Variants in DAB1 observed in about 807,000 individuals in gnomAD.
The protein encoded by DAB1 is DAB adaptor protein 1, also known as disabled homolog 1.
DAB1 carries 15 observed loss-of-function variants against 64.6 expected under a neutral mutation model. The observed-to-expected ratio is 0.23, with a 90% CI of 0.16 to 0.36. The LOEUF (loss-of-function observed/expected upper bound fraction) is 0.36. DAB1 is among the 10% of genes least tolerant of loss of function. DAB1 has a pLI of 1.00. For missense variants in DAB1, 596 were observed against 706.7 expected, an observed-to-expected ratio of 0.84 and a Z score of 1.78; for synonymous variants, 235 against 251.9, an observed-to-expected ratio of 0.93 and a Z score of 0.64.
chr1:57,136,472 G>C, intron 4 of DAB1, 71 bp downstream of exon 4: 2 of 824,226 alleles, frequency 2.4e-6, no homozygotes, highest in African/African-American at 3.4e-5. Flanking sequence ...CCTGCCCAGA[G>C]AGTAGAGGCT....
intron 5 of DAB1, among the ~76,000 whole-genome samples, chr1:58,039,437 G>A (rs937705127): frequency 5.9e-5 from 9 of 152,194 alleles, no homozygotes; most frequent in African/African-American, 2.2e-4. Context: ...TGCCTTGAGT[G>A]TGCACCCCCA....
rs576817251 is a variant in DAB1, at chr1:57,818,515, T to A, written n.551+65484A>T. Among the ~76,000 whole-genome samples, 69 of 152,142 alleles carry A rather than the reference T, an allele frequency of 4.5e-4. 1 individual carries two copies. Among genetic ancestry groups the A allele is most frequent in the Admixed American group, 2.2e-3 (34 of 15,268 alleles). On this transcript the variant is annotated intron_variant and non_coding_transcript_variant, in intron 6 of 20. Coordinates refer to the DAB1 transcript ENST00000485760. ...TACTGGATAATATTGACAGTAATGC[T>A]AATAATTGTAATTATTATTAATAAT...
chr1:58,204,992 A>G (rs1414643074), intron 4 of DAB1, among the ~76,000 whole-genome samples: 1 of 152,182 alleles, frequency 6.6e-6, no homozygotes, highest in African/African-American at 2.4e-5. Flanking sequence ...GCAGCTCTGT[A>G]ATAGATATAA....
intron 4 of DAB1, among the ~76,000 whole-genome samples, chr1:58,225,984 G>T (rs1295729597): frequency 6.8e-6 from 1 of 147,470 alleles, no homozygotes; most frequent in Non-Finnish European, 1.5e-5. Flanking sequence ...AAAACCTGAG[G>T]CTCAGACAGA....
chr1:57,140,510 A>T (rs1005031100), intron 3 of DAB1, among the ~76,000 whole-genome samples: 23 of 152,274 alleles, frequency 1.5e-4, no homozygotes, highest in Non-Finnish European at 2.6e-4. Flanking sequence ...ACAGATTTTT[A>T]AAAAATGACC....
chr1:58,221,309 T>G (rs1288100894), intron 4 of DAB1, among the ~76,000 whole-genome samples: 1 of 152,172 alleles, frequency 6.6e-6, no homozygotes, highest in Non-Finnish European at 1.5e-5. Context: ...ACAAGGTCCT[T>G]ACAGAACTGA....
chr1:57,986,070 A>G (rs1461668197), intron 5 of DAB1, among the ~76,000 whole-genome samples: 2 of 152,132 alleles, frequency 1.3e-5, no homozygotes, highest in African/African-American at 4.8e-5. Flanking sequence ...TACCCTTCAC[A>G]CTTGACACAG....
chr1:58,475,667 T>C (rs1645412338), intron 3 of DAB1, among the ~76,000 whole-genome samples: 1 of 152,182 alleles, frequency 6.6e-6, no homozygotes, highest in Admixed American at 6.5e-5. Flanking sequence ...TGAAGACATG[T>C]TAGAATATAT....
intron 2 of DAB1, among the ~76,000 whole-genome samples, chr1:57,265,941 C>A (rs2100573044): frequency 6.6e-6 from 1 of 152,318 alleles, no homozygotes; most frequent in Non-Finnish European, 1.5e-5. Flanking sequence ...ATTTCTCCAG[C>A]TCCTCTGCTT....
At chr1:57,140,690 G>A (rs921666765) in intron 3 of DAB1, among the ~76,000 whole-genome samples, 3 of 152,140 alleles carry the variant, frequency 2.0e-5, no homozygotes, top group Non-Finnish European at 4.4e-5. Flanking sequence ...ACTGCACTTC[G>A]CACAGTATGC....
intron 4 of DAB1, among the ~76,000 whole-genome samples, chr1:58,258,145 C>T (rs1000193227): frequency 2.0e-5 from 3 of 152,062 alleles, no homozygotes; most frequent in East Asian, 1.9e-4. Flanking sequence ...ATTGTTACGG[C>T]GGGTGTCTTC....
At chr1:57,352,396 T>C (rs1333914578) in intron 1 of DAB1, among the ~76,000 whole-genome samples, 1 of 152,208 alleles carries the variant, frequency 6.6e-6, no homozygotes, top group Non-Finnish European at 1.5e-5. Flanking sequence ...AATCTAAAAC[T>C]ACTTTTACCC....
chr1:58,396,402 T>C (rs1016735162), intron 3 of DAB1, among the ~76,000 whole-genome samples: 2 of 151,886 alleles, frequency 1.3e-5, no homozygotes, highest in Non-Finnish European at 2.9e-5. Flanking sequence ...TTTTTTTTCG[T>C]TTAATGACAT....
At chr1:57,737,437 C>T (rs1193827851) in intron 6 of DAB1, among the ~76,000 whole-genome samples, 2 of 152,214 alleles carry the variant, frequency 1.3e-5, no homozygotes, top group Non-Finnish European at 2.9e-5. Context: ...GAAGCACTTA[C>T]CCTTTGCACG....
chr1:58,538,327 C>T (rs1399260475), intron 1 of DAB1, among the ~76,000 whole-genome samples: 1 of 152,190 alleles, frequency 6.6e-6, no homozygotes, highest in Non-Finnish European at 1.5e-5. Flanking sequence ...TAAGAGTTAA[C>T]TAGGAGTGAG....
At chr1:57,206,140 G>C (rs1665518271) in intron 2 of DAB1, among the ~76,000 whole-genome samples, 1 of 152,240 alleles carries the variant, frequency 6.6e-6, no homozygotes, top group Non-Finnish European at 1.5e-5. Flanking sequence ...GAATTCCAAA[G>C]GGGTTAGCAG....
At chr1:58,122,597 TA>T (rs145918583) in intron 5 of DAB1, among the ~76,000 whole-genome samples, 6,133 of 147,188 alleles carry the variant, frequency 0.042, 157 homozygotes, top group Non-Finnish European at 0.06. Context: ...TTATTTGTTG[TA>T]AAAAAAAAAA....
At chr1:58,326,666 G>A (rs527823549) in intron 4 of DAB1, among the ~76,000 whole-genome samples, 1 of 152,316 alleles carries the variant, frequency 6.6e-6, no homozygotes, top group African/African-American at 2.4e-5. Context: ...TGGAAACCAA[G>A]GCCCAGAAAC....
At chr1:58,080,151 C>A (rs1005563260) in intron 5 of DAB1, 5 of 152,134 alleles carry the variant, frequency 3.3e-5, no homozygotes, top group African/African-American at 1.2e-4. Flanking sequence ...GTGCTCAACC[C>A]CCAACCATTG....
Sources: gnomAD v4.1 joint callset for allele counts (sites outside exome capture counted in the v4.1 genomes callset) on GRCh38, gnomAD v4.1.1 for gene constraint, MANE v1.5 for transcripts, NCBI Gene and HGNC (gene_info 2026-07-23, HGNC 2026-07-21) for gene names.